The following SP100 variants were observed in gnomAD, a reference collection of about 807,000 sequenced individuals.
SP100 encodes nuclear autoantigen Sp-100.
In SP100, 84 loss-of-function variants were observed where a neutral mutation model predicts 130.0. That is an observed-to-expected ratio of 0.65 (90% CI 0.54 to 0.77). The LOEUF is 0.77. Ranked by LOEUF, SP100 falls within the 30% of genes least tolerant of loss-of-function variation. SP100 has a pLI of 0.00. For missense variants in SP100, 978 were observed against 1,052.2 expected, an observed-to-expected ratio of 0.93 and a Z score of 0.97; for synonymous variants, 331 against 351.7, an observed-to-expected ratio of 0.94 and a Z score of 0.66.
intron 17 of SP100, among the ~76,000 whole-genome samples, chr2:230,478,877 G>A (rs1414529510): frequency 6.6e-6 from 1 of 151,978 alleles, no homozygotes; most frequent in Non-Finnish European, 1.5e-5. Context: ...CCAGAGTGCA[G>A]TGGTGCAATC....
At chr2:230,509,660 C>T (rs1355061206) in intron 23 of SP100, 2 of 152,156 alleles carry the variant, frequency 1.3e-5, no homozygotes, top group African/African-American at 4.8e-5. Context: ...CTCCTCTCCC[C>T]TCGGTTTCTA....
chr2:230,449,773 A>G, intron 7 of SP100, 63 bp downstream of exon 7: 7 of 1,561,876 alleles, frequency 4.5e-6, no homozygotes, highest in Non-Finnish European at 6.2e-6. Context: ...GTGGCAGAGG[A>G]AGAGTCTAAT....
At chr2:230,483,374 G>A (rs1233496407) in intron 17 of SP100, among the ~76,000 whole-genome samples, 1 of 152,200 alleles carries the variant, frequency 6.6e-6, no homozygotes, top group Non-Finnish European at 1.5e-5. Flanking sequence ...CCTGAGAGAG[G>A]ACTATACATG....
intron 24 of SP100, among the ~76,000 whole-genome samples, chr2:230,535,906 C>CAAAAAAAAAAAAAAAAAA (rs34684038): frequency 1.5e-4 from 7 of 47,598 alleles, no homozygotes; most frequent in African/African-American, 7.8e-4. Context: ...GACTCCATCT[C>CAAAAAAAAAAAAAAAAAA]AAAAAAAAAA....
At position 230,543,079 on chromosome 2, in the gene SP100, A is replaced by T; in HGVS notation, c.*133A>T. On this transcript the variant is annotated 3_prime_UTR_variant, in exon 29 of 29. Coordinates refer to ENST00000340126, the MANE Select transcript of SP100 (RefSeq NM_001080391.2). ...CAAAATTTATCATTGCCATTTTAAA[A>T]CCGTCTTTTCAGCTTTCAATAAAAT... 1 of 551,092 alleles carries T rather than the reference A, an allele frequency of 1.8e-6. No individual in the cohort carries two copies. The highest frequency in any genetic ancestry group is 3.1e-5 in the East Asian group (1 of 32,670). 34.1% of individuals were successfully genotyped at this position (551,092 alleles called of 1,614,324 possible).
intron 17 of SP100, among the ~76,000 whole-genome samples, chr2:230,491,835 T>C (rs1348612312): frequency 6.6e-6 from 1 of 152,188 alleles, no homozygotes; most frequent in Non-Finnish European, 1.5e-5. Flanking sequence ...GCTCTGACCA[T>C]GTCATTAGGT....
rs765942675 is a variant in SP100, at chr2:230,444,364, C to G, written c.439+18C>G. ...TGAAAATGGTAATTAGATTTATTAT[C>G]TACCTTTTTATTTCCAGGGCCAAGT... is the stretch of plus-strand genomic sequence containing the variant. On this transcript the variant is annotated intron_variant, in intron 4 of 28. Coordinates refer to ENST00000340126, the MANE Select transcript of SP100 (RefSeq NM_001080391.2). 6.2e-7 allele frequency: 1 copy of G among 1,600,424 alleles called. No homozygotes were observed. Among genetic ancestry groups the G allele is most frequent in the Non-Finnish European group, 8.5e-7 (1 of 1,170,414 alleles).
chr2:230,516,827 T>C (rs1287733932), intron 24 of SP100, among the ~76,000 whole-genome samples: 2 of 152,226 alleles, frequency 1.3e-5, no homozygotes, highest in African/African-American at 4.8e-5. Flanking sequence ...GAAATTTAGA[T>C]ATTTTGATTA....
chr2:230,502,566 G>A (rs1265528839), intron 19 of SP100, among the ~76,000 whole-genome samples: 1 of 152,160 alleles, frequency 6.6e-6, no homozygotes, highest in Non-Finnish European at 1.5e-5. Context: ...AAAGATCTAA[G>A]GATAGCTCCT....
intron 24 of SP100, chr2:230,520,663 G>C (rs992290890): frequency 6.6e-6 from 1 of 152,206 alleles, no homozygotes; most frequent in African/African-American, 2.4e-5. Context: ...GAATGTTGAC[G>C]AAAATTTAGC....
chr2:230,420,627 A>G (rs180756829), intron 2 of SP100, among the ~76,000 whole-genome samples: 16 of 152,302 alleles, frequency 1.1e-4, no homozygotes, highest in African/African-American at 3.8e-4. Flanking sequence ...AATGCCTACT[A>G]AAGAATCTTT....
intron 17 of SP100, among the ~76,000 whole-genome samples, chr2:230,493,296 C>T (rs1459944998): frequency 6.6e-6 from 1 of 152,244 alleles, no homozygotes; most frequent in African/African-American, 2.4e-5. Flanking sequence ...CAGCTCACTG[C>T]AACCTCCACC....
At chr2:230,497,444 G>A (rs2066729405) in intron 18 of SP100, among the ~76,000 whole-genome samples, 1 of 137,150 alleles carries the variant, frequency 7.3e-6, no homozygotes, top group African/African-American at 2.7e-5. Context: ...AAGGATGAAG[G>A]GAAGGAGGAA....
intron 2 of SP100, among the ~76,000 whole-genome samples, chr2:230,421,529 T>G: frequency 7.1e-6 from 1 of 140,724 alleles, no homozygotes; most frequent in South Asian, 2.2e-4. Context: ...ATATCCTACC[T>G]TACTGGGATT....
At chr2:230,458,063 G>T (rs1397840975) in intron 8 of SP100, among the ~76,000 whole-genome samples, 1 of 152,144 alleles carries the variant, frequency 6.6e-6, no homozygotes, top group African/African-American at 2.4e-5. Flanking sequence ...GTCAACTAGG[G>T]AATATTAAAT....
chr2:230,505,947 ACT>A (rs1438000022), intron 21 of SP100, among the ~76,000 whole-genome samples: 1 of 152,094 alleles, frequency 6.6e-6, no homozygotes, highest in African/African-American at 2.4e-5. Flanking sequence ...ATTCAGGCTG[ACT>A]CTATATCAGG....
intron 4 of SP100, among the ~76,000 whole-genome samples, chr2:230,446,214 T>G (rs11694428): frequency 0.15 from 23,304 of 152,106 alleles, 1,960 homozygotes; most frequent in Non-Finnish European, 0.19. Context: ...GCTCTAGTGA[T>G]CCTCCCCCCT....
chr2:230,431,210 T>G (rs2063089725), intron 2 of SP100, among the ~76,000 whole-genome samples: 1 of 152,204 alleles, frequency 6.6e-6, no homozygotes, highest in African/African-American at 2.4e-5. Context: ...CTTCTTCATT[T>G]CTAATCAAAC....
At chr2:230,494,522 AC>A (rs1349071603) in intron 18 of SP100, 62 bp downstream of exon 18, 3 of 1,271,818 alleles carry the variant, frequency 2.4e-6, no homozygotes, top group Admixed American at 1.8e-5. Context: ...TTCCTGCCAG[AC>A]CCCATCTTTG....
Sources: gnomAD v4.1 joint callset for allele counts (sites outside exome capture counted in the v4.1 genomes callset) on GRCh38, gnomAD v4.1.1 for gene constraint, MANE v1.5 for transcripts, NCBI Gene and HGNC (gene_info 2026-07-23, HGNC 2026-07-21) for gene names.